REDIC1: variants seen among roughly 807,000 people sequenced by gnomAD.
REDIC1 encodes HEI10 Interacting Protein 1.
the REDIC1 span, among the ~76,000 whole-genome samples, chr12:39,700,233 A>G: frequency 1.3e-5 from 2 of 152,206 alleles, no homozygotes; most frequent in Non-Finnish European, 2.9e-5. Context: ...ACCAATACAG[A>G]GAAGTGCTTA....
the REDIC1 span, among the ~76,000 whole-genome samples, chr12:39,839,421 G>A: frequency 2.2e-4 from 34 of 151,942 alleles, no homozygotes; most frequent in African/African-American, 7.7e-4. Context: ...AAAGGCTAGG[G>A]GCCTACTGGT....
the REDIC1 span, among the ~76,000 whole-genome samples, chr12:39,778,967 A>C: frequency 6.6e-6 from 1 of 152,188 alleles, no homozygotes; most frequent in Non-Finnish European, 1.5e-5. Context: ...AAAAACCACT[A>C]ATTGCAGGGA....
the REDIC1 span, among the ~76,000 whole-genome samples, chr12:39,732,373 A>G: frequency 6.6e-6 from 1 of 152,078 alleles, no homozygotes; most frequent in Non-Finnish European, 1.5e-5. Flanking sequence ...CCTATATTTG[A>G]TCCCTTTAAC....
At chr12:39,889,692 C>G in the REDIC1 span, among the ~76,000 whole-genome samples, 1 of 151,808 alleles carries the variant, frequency 6.6e-6, no homozygotes, top group Non-Finnish European at 1.5e-5. Flanking sequence ...ACCACCACGC[C>G]CGGCTAATTT....
the REDIC1 span, among the ~76,000 whole-genome samples, chr12:39,705,559 T>C: frequency 6.6e-6 from 1 of 152,102 alleles, no homozygotes; most frequent in Admixed American, 6.6e-5. Context: ...GCAAAAATCT[T>C]CAACAAAATA....
At chr12:39,850,458 T>C in the REDIC1 span, among the ~76,000 whole-genome samples, 1 of 152,194 alleles carries the variant, frequency 6.6e-6, no homozygotes, top group East Asian at 1.9e-4. Flanking sequence ...AAATTCCAGC[T>C]ATAACAAGCA....
At chr12:39,732,154 T>G in the REDIC1 span, among the ~76,000 whole-genome samples, 1 of 152,356 alleles carries the variant, frequency 6.6e-6, no homozygotes, top group East Asian at 1.9e-4. Flanking sequence ...TAAAGAAATC[T>G]GATATGTCTT....
At chr12:39,886,049 T>C in the REDIC1 span, among the ~76,000 whole-genome samples, 2 of 152,206 alleles carry the variant, frequency 1.3e-5, no homozygotes, top group Non-Finnish European at 2.9e-5. Context: ...TCTTCATGTG[T>C]TTAAGCCCTC....
At chr12:39,649,003 T>C in the REDIC1 span, among the ~76,000 whole-genome samples, 1 of 151,878 alleles carries the variant, frequency 6.6e-6, no homozygotes, top group African/African-American at 2.4e-5. Flanking sequence ...ATTCAGTTTA[T>C]ATTTCGTAAG....
chr12:39,762,007 T>C, the REDIC1 span, among the ~76,000 whole-genome samples: 1 of 152,058 alleles, frequency 6.6e-6, no homozygotes, highest in Non-Finnish European at 1.5e-5. Context: ...TGATTACAGA[T>C]TCTTTCTTGT....
At chr12:39,729,987 C>A in the REDIC1 span, among the ~76,000 whole-genome samples, 1 of 152,030 alleles carries the variant, frequency 6.6e-6, no homozygotes, top group African/African-American at 2.4e-5. Flanking sequence ...GCAGCCCCTG[C>A]TTTTTTTGCT....
At chr12:39,766,431 T>G in the REDIC1 span, among the ~76,000 whole-genome samples, 1 of 152,100 alleles carries the variant, frequency 6.6e-6, no homozygotes, top group African/African-American at 2.4e-5. Flanking sequence ...AACGATCATC[T>G]GCACCTTTCA....
chr12:39,734,760 A>G, the REDIC1 span, among the ~76,000 whole-genome samples: 4 of 152,150 alleles, frequency 2.6e-5, no homozygotes, highest in African/African-American at 9.7e-5. Context: ...ATATCATACT[A>G]TCTTGATTGT....
the REDIC1 span, among the ~76,000 whole-genome samples, chr12:39,838,994 T>G: frequency 6.6e-6 from 1 of 152,060 alleles, no homozygotes; most frequent in African/African-American, 2.4e-5. Context: ...TGGCCACAGG[T>G]CCAATTTCAT....
At chr12:39,888,463 A>G in the REDIC1 span, among the ~76,000 whole-genome samples, 2 of 152,274 alleles carry the variant, frequency 1.3e-5, no homozygotes, top group Middle Eastern at 3.4e-3. Context: ...GACCTCAGGT[A>G]ATCCACCGTC....
the REDIC1 span, chr12:39,682,673 G>A: frequency 3.7e-6 from 6 of 1,611,090 alleles, no homozygotes; most frequent in Non-Finnish European, 5.1e-6. Context: ...GATTGTAGAA[G>A]CACGGATGAA....
the REDIC1 span, among the ~76,000 whole-genome samples, chr12:39,713,957 A>G: frequency 6.7e-6 from 1 of 148,460 alleles, no homozygotes; most frequent in Non-Finnish European, 1.5e-5. Flanking sequence ...ATATACGTGT[A>G]TATACAGGTA....
chr12:39,638,415 G>A, the REDIC1 span, among the ~76,000 whole-genome samples: 1 of 151,972 alleles, frequency 6.6e-6, no homozygotes, highest in Non-Finnish European at 1.5e-5. Flanking sequence ...AATAATTGTT[G>A]CATGATTTTG....
the REDIC1 span, among the ~76,000 whole-genome samples, chr12:39,847,140 C>A: frequency 6.6e-6 from 1 of 152,198 alleles, no homozygotes; most frequent in Non-Finnish European, 1.5e-5. Context: ...ACAGAGAGAA[C>A]TAAATCGTGA....
Sources: allele counts gnomAD v4.1 joint callset (sites outside exome capture counted in the v4.1 genomes callset), GRCh38; gene constraint gnomAD v4.1.1; transcripts MANE v1.5; gene names NCBI Gene and HGNC (gene_info 2026-07-23, HGNC 2026-07-21).